KDM2A: variants seen among roughly 807,000 people sequenced by gnomAD.
KDM2A encodes the protein lysine demethylase 2A, also known as lysine-specific demethylase 2A.
A neutral mutation model predicts 137.3 loss-of-function variants in KDM2A; 3 were observed. The ratio of observed to expected loss-of-function variants is 0.02; its 90% CI spans 0.01 to 0.06. The LOEUF (loss-of-function observed/expected upper bound fraction) is 0.06. Among genes scored for constraint, KDM2A ranks in the 10% least tolerant of loss-of-function variants. The probability of loss-of-function intolerance (pLI) is 1.00; values close to 1 mark genes in which losing one functional copy is unlikely to be tolerated. For synonymous variants in KDM2A, 512 were observed against 541.5 expected, an observed-to-expected ratio of 0.95 and a Z score of 0.76; for missense variants, 738 against 1,510.6, an observed-to-expected ratio of 0.49 and a Z score of 8.48.
intron 13 of KDM2A, 33 bp downstream of exon 13, chr11:67,243,125 CTTAAGCCTT>C (rs752349127): frequency 1.6e-5 from 24 of 1,496,992 alleles, no homozygotes; most frequent in Admixed American, 1.0e-4. Flanking sequence ...CTTTAGGCTG[CTTAAGCCTT>C]TTGTTAGTTG....
chr11:67,198,843 A>G (rs1357206094), intron 5 of KDM2A, among the ~76,000 whole-genome samples: 1 of 151,846 alleles, frequency 6.6e-6, no homozygotes, highest in Non-Finnish European at 1.5e-5. Flanking sequence ...CAGTGGCACA[A>G]TCTTGGCTTA....
chr11:67,142,256 C>G (rs1336080991), intron 2 of KDM2A, among the ~76,000 whole-genome samples: 1 of 151,772 alleles, frequency 6.6e-6, no homozygotes, highest in African/African-American at 2.4e-5. Flanking sequence ...AGGCTGGTCT[C>G]AAACTCTTGA....
intron 2 of KDM2A, among the ~76,000 whole-genome samples, chr11:67,169,752 TCTCTCTC>T (rs1300893493): frequency 1.9e-4 from 10 of 52,222 alleles, no homozygotes; most frequent in Non-Finnish European, 4.8e-4. Flanking sequence ...TCTCTCTCTC[TCTCTCTC>T]TTTTTTTTTT....
At chr11:67,162,748 CT>C (rs1380025779) in intron 2 of KDM2A, among the ~76,000 whole-genome samples, 1 of 152,106 alleles carries the variant, frequency 6.6e-6, no homozygotes. Flanking sequence ...AGGTCTTGCT[CT>C]TTTGCCCAGG....
In KDM2A at chr11:67,192,433, C is replaced by CTTTTTTTT. The variant is rs921321640; in HGVS notation, c.307+10562_307+10569dup. ...ATGGACATTTACTTTGTTTCCATTT[C>CTTTTTTTT]TTTTTTTTTTTTTTTTTTTTTTTTT... On this transcript the variant is annotated intron_variant, in intron 5 of 20. Transcript: ENST00000529006. 1.7e-3 allele frequency among the ~76,000 whole-genome samples: 120 copies of CTTTTTTTT among 70,558 alleles called. 8 individuals carry two copies. Among genetic ancestry groups the CTTTTTTTT allele is most frequent in the East Asian group, 4.7e-3 (11 of 2,350 alleles). The allele number at this position is 70,558 out of a possible 152,430, so 46.3% of individuals were successfully genotyped here.
At chr11:67,236,059 A>G (rs546674600) in intron 12 of KDM2A, among the ~76,000 whole-genome samples, 2 of 152,342 alleles carry the variant, frequency 1.3e-5, no homozygotes, top group East Asian at 3.9e-4. Context: ...TTGCAGAGGA[A>G]TCTAAAAGGG....
chr11:67,208,051 G>T (rs56831094), intron 6 of KDM2A, among the ~76,000 whole-genome samples: 34 of 151,858 alleles, frequency 2.2e-4, no homozygotes, highest in Admixed American at 2.2e-3. Context: ...AATAAAATGC[G>T]TTGTTTTTAT....
chr11:67,126,719 A>G (rs1035634004), intron 2 of KDM2A, among the ~76,000 whole-genome samples: 5 of 152,008 alleles, frequency 3.3e-5, no homozygotes, highest in Admixed American at 2.0e-4. Context: ...AAAAAAAAAA[A>G]AAAAAAAGTA....
Position 67,235,974 on chromosome 11 carries a change from A to T in KDM2A, c.1479+4014A>T, listed in dbSNP as rs1206142415. ...GTTGTATTCTTGATATATGTTGAAT[A>T]AAAAGGTAGGACATGTAACAGTATG... is the stretch of plus-strand genomic sequence containing the variant. On this transcript the variant is annotated intron_variant, in intron 12 of 20. Coordinates refer to ENST00000529006, the MANE Select transcript of KDM2A (RefSeq NM_012308.3). Among the ~76,000 whole-genome samples, 4 of 152,308 alleles carry T rather than the reference A, an allele frequency of 2.6e-5. No homozygotes were observed. The East Asian group carries it at 7.7e-4, about 29-fold the overall frequency.
At chr11:67,253,677 T>G in intron 19 of KDM2A, 66 bp downstream of exon 19, 1 of 1,540,080 alleles carries the variant, frequency 6.5e-7, no homozygotes. Flanking sequence ...ACAGACCTCG[T>G]CTTCAGAAGC....
chr11:67,193,314 A>T (rs758990522), intron 5 of KDM2A, among the ~76,000 whole-genome samples: 7 of 152,176 alleles, frequency 4.6e-5, no homozygotes, highest in Non-Finnish European at 1.0e-4. Context: ...CAACAATCTG[A>T]TGGGTATGAA....
At chr11:67,184,494 G>C (rs12785905) in intron 5 of KDM2A, among the ~76,000 whole-genome samples, 5,060 of 152,290 alleles carry the variant, frequency 0.033, 121 homozygotes, top group Non-Finnish European at 0.055. Flanking sequence ...TGGGCGTGGT[G>C]GTGGGCGCCT....
chr11:67,122,978 T>G (rs1855633776), intron 2 of KDM2A, among the ~76,000 whole-genome samples: 1 of 151,882 alleles, frequency 6.6e-6, no homozygotes, highest in African/African-American at 2.4e-5. Context: ...TCTGGCCTTT[T>G]ATTTTTATTT....
chr11:67,196,703 G>A, intron 5 of KDM2A: 1 of 312,450 alleles, frequency 3.2e-6, no homozygotes, highest in South Asian at 2.5e-5. Context: ...ATAGAATAGT[G>A]GTTACTGGGA....
intron 16 of KDM2A, among the ~76,000 whole-genome samples, 182 bp from the exon 17 acceptor site, chr11:67,249,904 G>C (rs950109644): frequency 6.6e-6 from 1 of 152,190 alleles, no homozygotes; most frequent in Non-Finnish European, 1.5e-5. Flanking sequence ...GGCCAAGGCA[G>C]GTGGATCACT....
chr11:67,204,365 T>C (rs989200423), intron 5 of KDM2A, among the ~76,000 whole-genome samples: 1 of 152,182 alleles, frequency 6.6e-6, no homozygotes, highest in African/African-American at 2.4e-5. Context: ...TCTCCTCCAC[T>C]TAACTCCTGG....
At chr11:67,218,492 G>C (rs1858236372) in intron 9 of KDM2A, among the ~76,000 whole-genome samples, 1 of 152,060 alleles carries the variant, frequency 6.6e-6, no homozygotes, top group East Asian at 1.9e-4. Context: ...GGATGGCTTT[G>C]AATGTGGCCT....
chr11:67,169,717 CTCTCTCTCTCTCTCCT>C (rs1278968280), intron 2 of KDM2A, among the ~76,000 whole-genome samples: 1 of 123,988 alleles, frequency 8.1e-6, no homozygotes, highest in Admixed American at 8.5e-5. Context: ...CTTTTTTCTT[CTCTCTCTCTCTCTCCT>C]TCTCTCTCTC....
intron 2 of KDM2A, among the ~76,000 whole-genome samples, chr11:67,160,913 A>G (rs547732094): frequency 2.6e-5 from 4 of 152,356 alleles, no homozygotes; most frequent in South Asian, 2.1e-4. Context: ...TTCAAGTCCA[A>G]TGTGAGAAAC....
Sources: gnomAD v4.1 joint callset for allele counts (sites outside exome capture counted in the v4.1 genomes callset) on GRCh38, gnomAD v4.1.1 for gene constraint, MANE v1.5 for transcripts, NCBI Gene and HGNC (gene_info 2026-07-23, HGNC 2026-07-21) for gene names.